The following R3HDM1 variants were observed in gnomAD, a reference collection of about 807,000 sequenced individuals.
R3HDM1 encodes the protein R3H domain-containing protein 1.
Under a neutral mutation model 141.1 loss-of-function variants are expected in R3HDM1, and 46 were observed. The observed-to-expected ratio is 0.33, with a 90% confidence interval of 0.26 to 0.42. The LOEUF is 0.42. Among genes scored for constraint, R3HDM1 ranks in the 10% least tolerant of loss-of-function variants. R3HDM1 has a pLI of 1.00. For synonymous variants in R3HDM1, 435 were observed against 472.9 expected (o/e 0.92, Z 1.04); for missense variants, 1,184 against 1,368.3 (o/e 0.87, Z 2.12).
intron 5 of R3HDM1, among the ~76,000 whole-genome samples, chr2:135,618,341 T>A (rs1307763428): frequency 2.6e-5 from 4 of 151,994 alleles, no homozygotes. Context: ...TTTGTATTTT[T>A]AGTAGGGACG....
rs921397894 is a variant in R3HDM1 at position 135,601,275 on chromosome 2, G to C, written c.-249-1225G>C. Among the ~76,000 whole-genome samples, 4 of 152,218 alleles carry C rather than the reference G, an allele frequency of 2.6e-5. No homozygotes were observed. In the South Asian group the frequency reaches 8.3e-4, roughly 32 times the overall value. On this transcript the variant is annotated intron_variant, in intron 1 of 26. Coordinates refer to ENST00000683871, the MANE Select transcript of R3HDM1 (RefSeq NM_001378107.1). ...ATCAATTAAAAGTTTTTTGATATTT[G>C]TTTTTGATACCCCCTTTTCTATTAT...
intron 5 of R3HDM1, among the ~76,000 whole-genome samples, chr2:135,619,953 A>AT (rs950247590): frequency 2.0e-5 from 3 of 152,158 alleles, no homozygotes; most frequent in African/African-American, 7.2e-5. Context: ...TAGTCTGAAG[A>AT]TTTTGTGTAT....
At chr2:135,570,049 C>T (rs868778577) in intron 1 of R3HDM1, among the ~76,000 whole-genome samples, 1 of 152,136 alleles carries the variant, frequency 6.6e-6, no homozygotes, top group Non-Finnish European at 1.5e-5. Context: ...TAAGTGTTAA[C>T]TCTTGATCCA....
At chr2:135,646,297 G>A (rs541491336) in intron 16 of R3HDM1, among the ~76,000 whole-genome samples, 8 of 151,308 alleles carry the variant, frequency 5.3e-5, no homozygotes, top group Non-Finnish European at 8.8e-5. Flanking sequence ...CACCACGCCC[G>A]GCAAATTTTT....
At chr2:135,678,228 T>A (rs1258757678) in intron 20 of R3HDM1, among the ~76,000 whole-genome samples, 1 of 151,822 alleles carries the variant, frequency 6.6e-6, no homozygotes, top group African/African-American at 2.4e-5. Flanking sequence ...CCTCCCAAAG[T>A]GCTGGGATTA....
chr2:135,669,090 T>G lies in R3HDM1; in HGVS notation c.2153-6242T>G, dbSNP rs747538987. 106 of 955,352 alleles carry G rather than the reference T, an allele frequency of 1.1e-4. No individual in the cohort carries two copies. In the Middle Eastern group the frequency reaches 2.7e-3, roughly 24 times the overall value. 59.2% of individuals were successfully genotyped at this position (955,352 alleles called of 1,614,324 possible). A position where few individuals can be genotyped will look rare whatever the true frequency, so the allele number is the denominator to read the frequency against. ...TGGAGTCTCACTGTTTTGCCTAGAC[T>G]GGAGTGCAGTGGCCCTTCCTAATTG... On this transcript the variant is annotated intron_variant, in intron 19 of 26. Coordinates refer to ENST00000683871, the MANE Select transcript of R3HDM1 (RefSeq NM_001378107.1).
At chr2:135,661,672 T>C (rs2066734818) in intron 19 of R3HDM1, among the ~76,000 whole-genome samples, 1 of 152,204 alleles carries the variant, frequency 6.6e-6, no homozygotes, top group African/African-American at 2.4e-5. Flanking sequence ...CCATTGAGAT[T>C]GAAACTGTCT....
chr2:135,585,767 A>C (rs1256856528), intron 1 of R3HDM1, among the ~76,000 whole-genome samples: 1 of 152,236 alleles, frequency 6.6e-6, no homozygotes, highest in Non-Finnish European at 1.5e-5. Context: ...CTCGGATCAC[A>C]GTTCTATTGC....
chr2:135,673,905 G>A (rs937069474), intron 19 of R3HDM1, among the ~76,000 whole-genome samples: 33 of 152,040 alleles, frequency 2.2e-4, no homozygotes, highest in African/African-American at 6.0e-4. Context: ...TTGCGCTGTC[G>A]CTTAGGCTGG....
chr2:135,610,604 A>G (rs2060452269), intron 3 of R3HDM1, among the ~76,000 whole-genome samples: 1 of 152,254 alleles, frequency 6.6e-6, no homozygotes, highest in Non-Finnish European at 1.5e-5. Flanking sequence ...AGGCTATCAG[A>G]AAAGTTCAGA....
chr2:135,600,598 A>G (rs2059549216), intron 1 of R3HDM1, among the ~76,000 whole-genome samples: 1 of 152,222 alleles, frequency 6.6e-6, no homozygotes. Context: ...CGAAAATATA[A>G]CTGGCAGAGC....
At chr2:135,557,309 C>G (rs1213296225) in intron 1 of R3HDM1, among the ~76,000 whole-genome samples, 3 of 151,548 alleles carry the variant, frequency 2.0e-5, no homozygotes, top group Non-Finnish European at 4.4e-5. Context: ...GTAAGTATAT[C>G]CTTTGTATCT....
intron 1 of R3HDM1, among the ~76,000 whole-genome samples, chr2:135,593,801 G>C (rs1264224974): frequency 6.6e-6 from 1 of 152,044 alleles, no homozygotes; most frequent in Non-Finnish European, 1.5e-5. Context: ...GCTCACTGCA[G>C]TCTCCACCTC....
chr2:135,667,736 C>T (rs542325258), intron 19 of R3HDM1: 15 of 982,554 alleles, frequency 1.5e-5, no homozygotes, highest in Middle Eastern at 5.2e-4. Context: ...CCTTCCTAAT[C>T]CTCAGCCTTC....
intron 6 of R3HDM1, 147 bp downstream of exon 6, chr2:135,621,755 G>A: frequency 7.9e-7 from 1 of 1,265,976 alleles, no homozygotes; most frequent in Non-Finnish European, 1.0e-6. Flanking sequence ...AACTCATCTG[G>A]GCAAAATGGT....
At chr2:135,580,033 C>T (rs530702299) in intron 1 of R3HDM1, among the ~76,000 whole-genome samples, 1 of 151,912 alleles carries the variant, frequency 6.6e-6, no homozygotes, top group African/African-American at 2.4e-5. Context: ...CCGAGACAGG[C>T]GGATCACTTG....
intron 7 of R3HDM1, among the ~76,000 whole-genome samples, chr2:135,630,068 A>G (rs1246524802): frequency 6.6e-6 from 1 of 151,610 alleles, no homozygotes; most frequent in Non-Finnish European, 1.5e-5. Context: ...AAAAAAAAAA[A>G]AACCTTCGAG....
intron 21 of R3HDM1, among the ~76,000 whole-genome samples, chr2:135,681,494 A>G (rs1198645076): frequency 6.6e-6 from 1 of 152,224 alleles, no homozygotes; most frequent in Non-Finnish European, 1.5e-5. Flanking sequence ...TCTGCTTTAA[A>G]GTATTTAAAG....
intron 1 of R3HDM1, chr2:135,533,830 G>GC (rs1208699564): frequency 2.2e-5 from 5 of 222,688 alleles, no homozygotes; most frequent in Non-Finnish European, 3.0e-5. Context: ...CCGAGATCAG[G>GC]CCATTGAACT....
Sources: allele counts gnomAD v4.1 joint callset (sites outside exome capture counted in the v4.1 genomes callset), GRCh38; gene constraint gnomAD v4.1.1; transcripts MANE v1.5; gene names NCBI Gene and HGNC (gene_info 2026-07-23, HGNC 2026-07-21).